Variants in CMTR1 observed in about 807,000 individuals in gnomAD.
CMTR1 encodes cap methyltransferase 1.
Under a neutral mutation model 107.0 loss-of-function variants are expected in CMTR1, and 39 were observed. The ratio of observed to expected loss-of-function variants is 0.36; its 90% CI spans 0.28 to 0.48. CMTR1 has a LOEUF of 0.48. Ranked by LOEUF, CMTR1 falls within the 20% of genes least tolerant of loss-of-function variation. The pLI, the probability that CMTR1 is intolerant of heterozygous loss-of-function variation, is 0.99. For missense variants in CMTR1, 672 were observed against 1,064.9 expected (o/e 0.63, Z 5.14); for synonymous variants, 366 against 379.5 (o/e 0.96, Z 0.41).
chr6:37,443,431 T>C (rs1247394351), intron 2 of CMTR1, among the ~76,000 whole-genome samples: 1 of 152,064 alleles, frequency 6.6e-6, no homozygotes, highest in African/African-American at 2.4e-5. Flanking sequence ...TTCGGCTCAC[T>C]GCAACTTCTG....
At chr6:37,448,046 TA>T (rs1771840252) in intron 4 of CMTR1, among the ~76,000 whole-genome samples, 1 of 151,222 alleles carries the variant, frequency 6.6e-6, no homozygotes, top group East Asian at 1.9e-4. Context: ...CCGTCTCTAC[TA>T]AAAAATACAA....
In CMTR1 at chr6:37,472,712, C is replaced by T. The variant is rs980110389; in HGVS notation, c.1689+225C>T. Among the ~76,000 whole-genome samples the T allele has an allele frequency of 3.9e-5, 6 of 152,226 alleles. No homozygotes were observed. Among genetic ancestry groups the T allele is most frequent in the African/African-American group, 1.4e-4 (6 of 41,450 alleles). On this transcript the variant is annotated intron_variant, in intron 16 of 23. Transcript: ENST00000373451. This position sits in a 1 kb window ranked among gnomAD's most constrained non-coding sequence, Gnocchi z 4.1. ...CAACGGAAGATTCTCATGTTCAGTG[C>T]TTGGGCTCAGCATTCCTGCCACCCA...
At chr6:37,468,771 T>C (rs1380812868) in intron 13 of CMTR1, among the ~76,000 whole-genome samples, 1 of 152,026 alleles carries the variant, frequency 6.6e-6, no homozygotes, top group Non-Finnish European at 1.5e-5. Flanking sequence ...TAATCCCAGC[T>C]ACTCGGGAGG....
intron 4 of CMTR1, 101 bp downstream of exon 4, chr6:37,446,550 A>G: frequency 2.2e-6 from 3 of 1,376,174 alleles, no homozygotes; most frequent in Non-Finnish European, 3.0e-6. Context: ...CAGAGGCAGT[A>G]TGAGCAAAGT....
chr6:37,451,936 CT>C (rs768639559), intron 6 of CMTR1, 59 bp downstream of exon 6: 132 of 1,396,560 alleles, frequency 9.5e-5, no homozygotes, highest in Non-Finnish European at 1.3e-4. Context: ...ATTTGCTGGA[CT>C]TTTCCATTTC....
intron 14 of CMTR1, 146 bp from the exon 15 acceptor site, chr6:37,471,701 C>T (rs560018380): frequency 1.1e-5 from 7 of 626,364 alleles, no homozygotes; most frequent in East Asian, 5.9e-5. Flanking sequence ...GTTGTAATCA[C>T]GCTGGGCCAG....
At position 37,478,462 on chromosome 6, in the gene CMTR1, C is replaced by T; in HGVS notation, c.2207C>T (p.Thr736Ile). 6.2e-7 allele frequency: 1 copy of T among 1,614,148 alleles called. No homozygotes were observed. The highest frequency in any genetic ancestry group is 8.5e-7 in the Non-Finnish European group (1 of 1,180,024). ...GSSGTPKLSYTGRDDRHFVPM... is the reference protein window; with the variant it reads ...GSSGTPKLSYIGRDDRHFVPM... ...AGTGGCACCCCAAAGCTCAGCTACA[C>T]AGGGCGTGATGACCGGCACTTTGTA... The change falls in exon 22 of 24, where the codon ACA (threonine) becomes ATA (isoleucine). Residue 736 changes from threonine to isoleucine, a missense_variant. Thr to Ile is a moderately conservative substitution (Grantham distance 89). Transcript: ENST00000373451.
At chr6:37,470,437 C>T (rs375545441) in intron 13 of CMTR1, among the ~76,000 whole-genome samples, 4 of 152,008 alleles carry the variant, frequency 2.6e-5, no homozygotes, top group African/African-American at 9.7e-5. Context: ...TGAGCCACCG[C>T]GCCTGGCCGT....
At chr6:37,432,331 T>G (rs1487399667), upstream of CMTR1, among the ~76,000 whole-genome samples, 1 of 152,208 alleles carries the variant, frequency 6.6e-6, no homozygotes, top group East Asian at 1.9e-4. Flanking sequence ...CAATTTTAAA[T>G]TCCCTTCTTT....
At chr6:37,454,584 G>A (rs1761251642) in intron 8 of CMTR1, among the ~76,000 whole-genome samples, 1 of 152,162 alleles carries the variant, frequency 6.6e-6, no homozygotes, top group African/African-American at 2.4e-5. Flanking sequence ...TCCAGCAGCT[G>A]GTATCTGGTT....
At chr6:37,466,205 C>T (rs1190540742) in intron 13 of CMTR1, among the ~76,000 whole-genome samples, 3 of 151,138 alleles carry the variant, frequency 2.0e-5, no homozygotes, top group South Asian at 2.1e-4. Context: ...CTCTGCCTCC[C>T]GGGTTCAAGC....
rs1761842962 is a variant in CMTR1, at chr6:37,481,002, C to T, written c.*857C>T. 7.7e-7 allele frequency: 1 copy of T among 1,301,936 alleles called. No homozygotes were observed. The highest frequency in any genetic ancestry group is 1.0e-6 in the Non-Finnish European group (1 of 988,098). 80.6% of individuals were successfully genotyped at this position (1,301,936 alleles called of 1,614,324 possible). On this transcript the variant is annotated 3_prime_UTR_variant, in exon 24 of 24. Coordinates refer to ENST00000373451, the MANE Select transcript of CMTR1 (RefSeq NM_015050.3). ...GGTACCTCCAGGGGTTTGGGTAGCG[C>T]TGCCCTCTGGCAGTCATGCACCGCT...
intron 22 of CMTR1, 46 bp from the exon 23 acceptor site, chr6:37,479,101 G>T (rs1490534602): frequency 1.4e-6 from 2 of 1,384,248 alleles, no homozygotes; most frequent in African/African-American, 2.9e-5. Flanking sequence ...TCCTCCACAA[G>T]TGCTTTGTGT....
chr6:37,438,838 G>A (rs1038037522), intron 2 of CMTR1, among the ~76,000 whole-genome samples: 1 of 152,140 alleles, frequency 6.6e-6, no homozygotes, highest in African/African-American at 2.4e-5. Context: ...CTGGTGGTTT[G>A]CTGTCTACAT....
upstream of CMTR1, among the ~76,000 whole-genome samples, chr6:37,429,784 A>G (rs1183350210): frequency 6.6e-6 from 1 of 152,202 alleles, no homozygotes; most frequent in Non-Finnish European, 1.5e-5. Context: ...CTAAAAATAC[A>G]TAAATTAGCC....
intron 13 of CMTR1, among the ~76,000 whole-genome samples, chr6:37,466,114 GTTT>G (rs763461526): frequency 1.6e-5 from 2 of 125,190 alleles, no homozygotes; most frequent in South Asian, 2.3e-4. Flanking sequence ...TACAGTTTTT[GTTT>G]TTTTTTTTTT....
intron 13 of CMTR1, among the ~76,000 whole-genome samples, chr6:37,469,298 C>T (rs534962174): frequency 3.3e-5 from 5 of 152,134 alleles, no homozygotes; most frequent in African/African-American, 9.6e-5. Context: ...GAAAAGTCAG[C>T]CATTATACCT....
intron 13 of CMTR1, among the ~76,000 whole-genome samples, chr6:37,468,207 T>G (rs1484551626): frequency 6.6e-6 from 1 of 152,074 alleles, no homozygotes; most frequent in African/African-American, 2.4e-5. Flanking sequence ...GATTACTATA[T>G]GCACCTTTAA....
At chr6:37,478,696 T>G (rs767398144) in intron 22 of CMTR1, among the ~76,000 whole-genome samples, 175 bp downstream of exon 22, 3 of 152,210 alleles carry the variant, frequency 2.0e-5, no homozygotes, top group Non-Finnish European at 4.4e-5. Context: ...GAGCCTCTTC[T>G]GTTCTTCCGT....
Sources: allele counts gnomAD v4.1 joint callset (sites outside exome capture counted in the v4.1 genomes callset), GRCh38; gene constraint gnomAD v4.1.1; non-coding constraint Gnocchi (gnomAD v3.1); transcripts MANE v1.5; gene names NCBI Gene and HGNC (gene_info 2026-07-23, HGNC 2026-07-21).